Variants in PHKB observed in about 807,000 individuals in gnomAD.
PHKB encodes the protein phosphorylase b kinase regulatory subunit beta.
PHKB carries 122 observed loss-of-function variants against 152.1 expected under a neutral mutation model. The ratio of observed to expected loss-of-function variants is 0.80; its 90% CI spans 0.69 to 0.93. PHKB has a LOEUF of 0.93. PHKB is among the 40% of genes least tolerant of loss of function. The pLI, the probability that PHKB is intolerant of heterozygous loss-of-function variation, is 0.00. For missense variants in PHKB, 1,304 were observed against 1,328.4 expected, an observed-to-expected ratio of 0.98 and a Z score of 0.29; for synonymous variants, 436 against 464.9, an observed-to-expected ratio of 0.94 and a Z score of 0.80.
chr16:47,490,596 A>G (rs1970131963), intron 1 of PHKB, among the ~76,000 whole-genome samples: 1 of 152,226 alleles, frequency 6.6e-6, no homozygotes, highest in Non-Finnish European at 1.5e-5. Flanking sequence ...AAAGCCAGGT[A>G]TCAGGAAAGG....
At chr16:47,620,655 C>T (rs1460989260) in intron 14 of PHKB, among the ~76,000 whole-genome samples, 1 of 152,148 alleles carries the variant, frequency 6.6e-6, no homozygotes, top group African/African-American at 2.4e-5. Context: ...GCAAGTGGAT[C>T]ACGAGGTCAG....
chr16:47,653,192 TTCCATG>T (rs2151732944), intron 20 of PHKB, among the ~76,000 whole-genome samples: 1 of 152,294 alleles, frequency 6.6e-6, no homozygotes, highest in East Asian at 1.9e-4. Context: ...TAAACTTTGT[TTCCATG>T]TCCTGAAAGC....
chr16:47,661,384 C>G (rs1973441158), intron 22 of PHKB, among the ~76,000 whole-genome samples: 1 of 152,136 alleles, frequency 6.6e-6, no homozygotes, highest in South Asian at 2.1e-4. Flanking sequence ...CCAAGTCTCT[C>G]AGAGAGTGGC....
At chr16:47,660,919 G>A (rs1243885871) in intron 22 of PHKB, 100 bp downstream of exon 22, 8 of 1,210,662 alleles carry the variant, frequency 6.6e-6, no homozygotes, top group South Asian at 2.5e-5. Flanking sequence ...AGTGAAGGTA[G>A]CAATTAATCT....
At chr16:47,616,857 A>C (rs1462509722) in intron 14 of PHKB, among the ~76,000 whole-genome samples, 1 of 151,582 alleles carries the variant, frequency 6.6e-6, no homozygotes, top group Non-Finnish European at 1.5e-5. Context: ...TATTGACAGC[A>C]AGCCAGTCAT....
intron 7 of PHKB, among the ~76,000 whole-genome samples, chr16:47,555,072 T>C (rs1230174191): frequency 6.6e-6 from 1 of 152,188 alleles, no homozygotes; most frequent in African/African-American, 2.4e-5. Context: ...TAAATAACAA[T>C]CATAGCACCA....
chr16:47,466,205 A>C (rs1005860685), intron 1 of PHKB, among the ~76,000 whole-genome samples: 2 of 152,238 alleles, frequency 1.3e-5, no homozygotes, highest in African/African-American at 4.8e-5. Flanking sequence ...TTAAACTAAA[A>C]GAGGGATCTA....
intron 5 of PHKB, 86 bp from the exon 6 acceptor site, chr16:47,515,435 G>T: frequency 4.0e-6 from 3 of 746,838 alleles, no homozygotes; most frequent in East Asian, 2.5e-5. Context: ...TAGAGCAAAT[G>T]ACTTGTAATT....
intron 7 of PHKB, among the ~76,000 whole-genome samples, chr16:47,567,797 C>A (rs939681591): frequency 6.6e-6 from 1 of 152,128 alleles, no homozygotes; most frequent in Non-Finnish European, 1.5e-5. Context: ...TTAAAATAAT[C>A]GTATGGTTTC....
At chr16:47,568,616 T>C (rs1164449108) in intron 7 of PHKB, among the ~76,000 whole-genome samples, 1 of 152,304 alleles carries the variant, frequency 6.6e-6, no homozygotes, top group East Asian at 1.9e-4. Context: ...TGACATTATG[T>C]TGCCAGTCTT....
At chr16:47,576,371 A>G (rs1971749781) in intron 7 of PHKB, among the ~76,000 whole-genome samples, 1 of 152,168 alleles carries the variant, frequency 6.6e-6, no homozygotes, top group South Asian at 2.1e-4. Context: ...GGTTTTTATT[A>G]TTGAACCGGC....
intron 6 of PHKB, among the ~76,000 whole-genome samples, chr16:47,538,285 T>A (rs1970989307): frequency 6.6e-6 from 1 of 152,212 alleles, no homozygotes; most frequent in African/African-American, 2.4e-5. Flanking sequence ...ATGAAATAGC[T>A]AACATCATGA....
chr16:47,641,629 T>A lies in PHKB; in HGVS notation c.1545T>A (p.Ile515=). 6.2e-7 allele frequency: 1 copy of A among 1,603,744 alleles called. No homozygotes were observed. The highest frequency in any genetic ancestry group is 8.5e-7 in the Non-Finnish European group (1 of 1,170,436). ...AAGTTTTTCTGAACACATATGGTAT[T>A]CAAACTCAAACTCCTCAACAAGTAG... ...RLQVFLNTYG[I]QTQTPQQVEP... Residue 515 remains isoleucine (I), a synonymous_variant, in exon 16 of 31, where the codon ATT becomes ATA. Coordinates refer to ENST00000323584, the MANE Select transcript of PHKB (RefSeq NM_000293.3).
chr16:47,488,671 A>C (rs879544062), intron 1 of PHKB, among the ~76,000 whole-genome samples: 5 of 152,228 alleles, frequency 3.3e-5, no homozygotes, highest in Admixed American at 1.3e-4. Flanking sequence ...ATGACTAGCC[A>C]ATTATCCCAG....
chr16:47,536,145 G>A (rs892099452), intron 6 of PHKB, among the ~76,000 whole-genome samples: 9 of 152,124 alleles, frequency 5.9e-5, no homozygotes, highest in African/African-American at 1.4e-4. Context: ...TCCGGCTCCC[G>A]TGTTCAAGCG....
intron 6 of PHKB, among the ~76,000 whole-genome samples, chr16:47,539,098 A>G (rs1971004406): frequency 6.6e-6 from 1 of 152,224 alleles, no homozygotes; most frequent in Non-Finnish European, 1.5e-5. Context: ...AAGGAACGTT[A>G]TTAACTAAGA....
chr16:47,630,648 A>G (rs892102324), intron 14 of PHKB, among the ~76,000 whole-genome samples: 1 of 152,146 alleles, frequency 6.6e-6, no homozygotes, highest in Non-Finnish European at 1.5e-5. Flanking sequence ...GTGATTGTTA[A>G]TTTTACATGT....
chr16:47,571,786 C>T (rs1308020415), intron 7 of PHKB, among the ~76,000 whole-genome samples: 1 of 152,160 alleles, frequency 6.6e-6, no homozygotes, highest in Non-Finnish European at 1.5e-5. Context: ...AGTCTTTCCC[C>T]ACGGAGCCCA....
intron 14 of PHKB, among the ~76,000 whole-genome samples, chr16:47,612,570 A>G (rs968024520): frequency 6.6e-6 from 1 of 152,314 alleles, no homozygotes; most frequent in East Asian, 1.9e-4. Context: ...TCTCAAAATT[A>G]CTTTGTACTG....
Sources: gnomAD v4.1 joint callset for allele counts (sites outside exome capture counted in the v4.1 genomes callset) on GRCh38, gnomAD v4.1.1 for gene constraint, MANE v1.5 for transcripts, NCBI Gene and HGNC (gene_info 2026-07-23, HGNC 2026-07-21) for gene names.